The following ERC1 variants were observed in gnomAD, a reference collection of about 807,000 sequenced individuals.
ERC1 encodes the protein ELKS/RAB6-interacting/CAST family member 1.
Under a neutral mutation model 132.0 loss-of-function variants are expected in ERC1, and 56 were observed. The observed-to-expected ratio is 0.42, with a 90% CI of 0.34 to 0.53. ERC1 has a LOEUF of 0.53. ERC1 is among the 20% of genes least tolerant of loss of function. The probability of loss-of-function intolerance (pLI) is 0.03; values close to 1 mark genes in which losing one functional copy is unlikely to be tolerated. For synonymous variants in ERC1, 478 were observed against 476.1 expected (o/e 1.00, Z -0.05); for missense variants, 1,202 against 1,349.9 (o/e 0.89, Z 1.72).
intron 7 of ERC1, among the ~76,000 whole-genome samples, chr12:1,139,602 G>C (rs1487392906): frequency 1.3e-5 from 2 of 152,112 alleles, no homozygotes; most frequent in African/African-American, 4.8e-5. Flanking sequence ...CGACGACAAG[G>C]GGGGATTACT....
chr12:1,341,980 C>G (rs1297840048), intron 15 of ERC1, among the ~76,000 whole-genome samples: 1 of 152,044 alleles, frequency 6.6e-6, no homozygotes, highest in Admixed American at 6.6e-5. Context: ...AGTTTCTACT[C>G]TCTTCTGGGA....
chr12:1,266,967 C>T (rs2077523484), intron 14 of ERC1, among the ~76,000 whole-genome samples: 1 of 152,186 alleles, frequency 6.6e-6, no homozygotes, highest in Non-Finnish European at 1.5e-5. Context: ...GGAGCCATAG[C>T]TCTTATTAAA....
At chr12:1,112,399 T>A in intron 6 of ERC1, 101 bp downstream of exon 6, 1 of 785,326 alleles carries the variant, frequency 1.3e-6, no homozygotes, top group Non-Finnish European at 2.2e-6. Flanking sequence ...TTCTCTATGG[T>A]TGGCAGCTTT....
At chr12:1,475,818 G>A (rs1048754439) in intron 18 of ERC1, among the ~76,000 whole-genome samples, 1 of 152,116 alleles carries the variant, frequency 6.6e-6, no homozygotes. Flanking sequence ...AATTAGGATT[G>A]TTAACAAGGA....
At chr12:1,104,309 C>T (rs1593314590) in intron 3 of ERC1, among the ~76,000 whole-genome samples, 2 of 152,238 alleles carry the variant, frequency 1.3e-5, no homozygotes, top group South Asian at 4.2e-4. Context: ...GTTGTCAACA[C>T]AGATTGCTTT....
At chr12:1,020,220 A>G (rs1338060684) in intron 1 of ERC1, among the ~76,000 whole-genome samples, 4 of 152,150 alleles carry the variant, frequency 2.6e-5, no homozygotes, top group Non-Finnish European at 4.4e-5. Context: ...ACTTTGAGAG[A>G]CCAAGGCAGA....
At chr12:1,133,722 G>A (rs538893592) in intron 7 of ERC1, among the ~76,000 whole-genome samples, 9 of 151,920 alleles carry the variant, frequency 5.9e-5, no homozygotes, top group Non-Finnish European at 1.2e-4. Flanking sequence ...TTAATTACAC[G>A]CTGCTGTATA....
At chr12:1,433,965 T>TGA (rs1396388832) in intron 17 of ERC1, among the ~76,000 whole-genome samples, 3 of 124,748 alleles carry the variant, frequency 2.4e-5, no homozygotes, top group Admixed American at 1.0e-4. Flanking sequence ...GGCGACAGAG[T>TGA]GAGACCCTGT....
At chr12:1,244,488 G>C in intron 13 of ERC1, 1 of 434,790 alleles carries the variant, frequency 2.3e-6, no homozygotes, top group Non-Finnish European at 4.5e-6. Context: ...TAAGTGTTTT[G>C]TACTTAATGG....
chr12:1,246,185 A>G (rs930322693), intron 13 of ERC1, among the ~76,000 whole-genome samples: 1 of 152,230 alleles, frequency 6.6e-6, no homozygotes, highest in Non-Finnish European at 1.5e-5. Flanking sequence ...ATAAAAATAC[A>G]TATGTACAAG....
At chr12:1,145,623 G>A (rs1458980534) in intron 8 of ERC1, among the ~76,000 whole-genome samples, 4 of 152,046 alleles carry the variant, frequency 2.6e-5, no homozygotes, top group Non-Finnish European at 5.9e-5. Flanking sequence ...TTGCTTTTGG[G>A]TTCTTGTTCA....
chr12:1,260,143 CT>C (rs2077054618), intron 13 of ERC1, among the ~76,000 whole-genome samples: 1 of 152,094 alleles, frequency 6.6e-6, no homozygotes, highest in Middle Eastern at 3.4e-3. Flanking sequence ...GAGTGAGATA[CT>C]TTTTTGGGGG....
At chr12:1,099,835 ATTTTTTTTTTTTTTTTTT>A (rs779732035) in intron 3 of ERC1, among the ~76,000 whole-genome samples, 8 of 54,366 alleles carry the variant, frequency 1.5e-4, no homozygotes, top group Non-Finnish European at 2.6e-4. Context: ...TGAGACTTTG[ATTTTTTTTTTTTTTTTTT>A]TTTTTTTTTT....
chr12:1,196,497 GT>G (rs142573969), intron 12 of ERC1, among the ~76,000 whole-genome samples: 24,445 of 139,098 alleles, frequency 0.18, 4,018 homozygotes, highest in African/African-American at 0.45. Context: ...TCTTATGTAG[GT>G]TTTTTTTTTT....
chr12:1,327,051 C>G (rs891087300), intron 15 of ERC1, among the ~76,000 whole-genome samples: 3 of 152,120 alleles, frequency 2.0e-5, no homozygotes, highest in African/African-American at 7.2e-5. Flanking sequence ...AAATTTAACT[C>G]TTTTTATACC....
intron 8 of ERC1, among the ~76,000 whole-genome samples, chr12:1,175,179 G>C (rs988409655): frequency 6.6e-6 from 1 of 152,178 alleles, no homozygotes; most frequent in Non-Finnish European, 1.5e-5. Flanking sequence ...GCTGCTGACT[G>C]ATCAGGGTGG....
intron 2 of ERC1, among the ~76,000 whole-genome samples, chr12:1,066,875 A>G (rs1424272535): frequency 1.3e-5 from 2 of 150,924 alleles, no homozygotes; most frequent in African/African-American, 2.4e-5. Context: ...GGATCTTATT[A>G]CGAACTTATG....
intron 2 of ERC1, among the ~76,000 whole-genome samples, chr12:1,071,374 A>G (rs1050807488): frequency 6.6e-6 from 1 of 152,146 alleles, no homozygotes; most frequent in Non-Finnish European, 1.5e-5. Context: ...GTGTAGTGAT[A>G]TCTTATTGTG....
intron 2 of ERC1, among the ~76,000 whole-genome samples, chr12:1,031,902 T>C (rs1366197879): frequency 6.6e-6 from 1 of 152,144 alleles, no homozygotes; most frequent in Non-Finnish European, 1.5e-5. Flanking sequence ...GGTTAAAACA[T>C]AGATTGCCAG....
Sources: allele counts gnomAD v4.1 joint callset (sites outside exome capture counted in the v4.1 genomes callset), GRCh38; gene constraint gnomAD v4.1.1; transcripts MANE v1.5; gene names NCBI Gene and HGNC (gene_info 2026-07-23, HGNC 2026-07-21).